The following GPT2 variants were observed in gnomAD, a reference collection of about 807,000 sequenced individuals.
GPT2 encodes glutamic--pyruvic transaminase 2.
A neutral mutation model predicts 56.9 loss-of-function variants in GPT2; 30 were observed. The observed-to-expected ratio is 0.53, with a 90% CI of 0.39 to 0.72. The LOEUF (loss-of-function observed/expected upper bound fraction) is 0.72. GPT2 is among the 30% of genes least tolerant of loss of function. The probability of loss-of-function intolerance (pLI) is 0.00; values close to 1 mark genes in which losing one functional copy is unlikely to be tolerated. For synonymous variants in GPT2, 271 were observed against 283.1 expected (o/e 0.96, Z 0.43); for missense variants, 542 against 703.4 (o/e 0.77, Z 2.60).
rs1269310418 is a variant in GPT2 at position 46,899,376 on chromosome 16, G to C, written c.334-1306G>C. Among the ~76,000 whole-genome samples, 5 of 152,196 alleles carry C rather than the reference G, an allele frequency of 3.3e-5. No homozygotes were observed. In the East Asian group the frequency reaches 9.6e-4, roughly 29 times the overall value. The stretch of plus-strand genomic sequence containing the variant: ...TAAGGTTCATGGGCTAGGGCCATCA[G>C]GGAGGTTGAGCCCCAAGAACACCAG... On this transcript the variant is annotated intron_variant, in intron 3 of 11. Transcript: ENST00000340124.
chr16:46,910,380 CAAAAAAAAAAA>C (rs4039999), intron 6 of GPT2, among the ~76,000 whole-genome samples: 6 of 46,480 alleles, frequency 1.3e-4, no homozygotes, highest in South Asian at 1.7e-3. Flanking sequence ...GACTCTGTCT[CAAAAAAAAAAA>C]AAAAAAAAAA....
intron 4 of GPT2, among the ~76,000 whole-genome samples, chr16:46,903,937 T>G (rs939145250): frequency 6.6e-6 from 1 of 152,062 alleles, no homozygotes; most frequent in African/African-American, 2.4e-5. Flanking sequence ...GAGGAAGAGC[T>G]TAAGGGGAAA....
chr16:46,914,867 G>C (rs924878291), intron 6 of GPT2, among the ~76,000 whole-genome samples: 1 of 152,086 alleles, frequency 6.6e-6, no homozygotes, highest in Non-Finnish European at 1.5e-5. Flanking sequence ...GTGCAGTAAT[G>C]GGGGGGAGGG....
chr16:46,914,869 G>T (rs1219113939), intron 6 of GPT2, among the ~76,000 whole-genome samples: 2 of 152,098 alleles, frequency 1.3e-5, no homozygotes, highest in Admixed American at 6.5e-5. Flanking sequence ...GCAGTAATGG[G>T]GGGGAGGGCA....
At chr16:46,923,135 C>G (rs1330853292) in intron 9 of GPT2, among the ~76,000 whole-genome samples, 2 of 152,188 alleles carry the variant, frequency 1.3e-5, no homozygotes, top group Non-Finnish European at 2.9e-5. Context: ...CCCCTTCTCT[C>G]TGCACTCACC....
intron 3 of GPT2, among the ~76,000 whole-genome samples, chr16:46,898,287 A>C (rs1960723224): frequency 6.6e-6 from 1 of 152,180 alleles, no homozygotes; most frequent in African/African-American, 2.4e-5. Context: ...GGGGACGGCC[A>C]CTGTGAGCCG....
In GPT2 at chr16:46,897,745, G is replaced by A. The variant is rs761702591; in HGVS notation, c.333+8G>A. On this transcript the variant is annotated splice_region_variant and intron_variant, in intron 3 of 11. Coordinates refer to ENST00000340124, the MANE Select transcript of GPT2 (RefSeq NM_133443.4). Reference sequence around the variant, plus strand: ...ATCACCTTCCTCCGGCAGGTGAGCCGCCCCCAGGAGCAGAGGCTGCAGGAG... The same window carrying A: ...ATCACCTTCCTCCGGCAGGTGAGCCACCCCCAGGAGCAGAGGCTGCAGGAG... 27 of 1,613,150 alleles carry A rather than the reference G, an allele frequency of 1.7e-5. No individual in the cohort carries two copies. Among genetic ancestry groups the A allele is most frequent in the Non-Finnish European group, 2.1e-5 (25 of 1,179,366 alleles).
At chr16:46,893,268 C>T (rs1013929834) in intron 2 of GPT2, among the ~76,000 whole-genome samples, 1 of 152,108 alleles carries the variant, frequency 6.6e-6, no homozygotes, top group South Asian at 2.1e-4. Flanking sequence ...ATAGCTGGGA[C>T]TACAGGCGCG....
intron 3 of GPT2, among the ~76,000 whole-genome samples, 164 bp from the exon 4 acceptor site, chr16:46,900,518 C>CGTCT (rs1344774996): frequency 1.3e-5 from 2 of 152,174 alleles, no homozygotes; most frequent in African/African-American, 4.8e-5. Flanking sequence ...GAGAGCCCAG[C>CGTCT]GTCTTCCCCT....
At chr16:46,914,829 G>C (rs1016291446) in intron 6 of GPT2, among the ~76,000 whole-genome samples, 1 of 152,204 alleles carries the variant, frequency 6.6e-6, no homozygotes, top group Non-Finnish European at 1.5e-5. Flanking sequence ...CACAGCCAAT[G>C]CGAGTCTCTT....
At chr16:46,895,293 G>A (rs1021224197) in intron 2 of GPT2, among the ~76,000 whole-genome samples, 2 of 152,140 alleles carry the variant, frequency 1.3e-5, no homozygotes, top group African/African-American at 4.8e-5. Context: ...GGGAGGCTGA[G>A]GTGGGCCAAT....
rs1961041138 is a variant in GPT2, at chr16:46,911,218, G to T, written c.820+1291G>T. On this transcript the variant is annotated intron_variant, in intron 6 of 11. Transcript: ENST00000340124. ...TTTGCATATTTTTCTTTAAAAAAAA[G>T]TCTGCAGTCCTGCCTGTTTTGATCT... Among the ~76,000 whole-genome samples, 3 of 152,132 alleles carry T rather than the reference G, an allele frequency of 2.0e-5. No homozygotes were observed. In the South Asian group the frequency reaches 6.2e-4, roughly 32 times the overall value.
chr16:46,918,797 C>T (rs1432116866), intron 8 of GPT2, 40 bp downstream of exon 8: 2 of 1,608,174 alleles, frequency 1.2e-6, no homozygotes, highest in South Asian at 2.2e-5. Context: ...GCTGGGCCTG[C>T]CAGATCCTCA....
intron 6 of GPT2, among the ~76,000 whole-genome samples, chr16:46,914,586 G>A (rs544730569): frequency 5.9e-5 from 9 of 152,290 alleles, no homozygotes; most frequent in Admixed American, 2.6e-4. Context: ...CTCTGTTAGC[G>A]TTGAGTCCTG....
intron 6 of GPT2, among the ~76,000 whole-genome samples, chr16:46,913,996 T>C (rs1227829601): frequency 6.6e-6 from 1 of 152,208 alleles, no homozygotes; most frequent in African/African-American, 2.4e-5. Flanking sequence ...ATATATGTAA[T>C]ATACACAGGC....
At chr16:46,918,474 C>T in intron 7 of GPT2, 147 bp from the exon 8 acceptor site, 2 of 860,638 alleles carry the variant, frequency 2.3e-6, no homozygotes, top group Non-Finnish European at 3.6e-6. Flanking sequence ...CCTTCAGGCA[C>T]ACTTGGCTCA....
intron 3 of GPT2, among the ~76,000 whole-genome samples, chr16:46,900,285 G>A (rs1046631396): frequency 6.6e-6 from 1 of 152,128 alleles, no homozygotes; most frequent in Non-Finnish European, 1.5e-5. Context: ...AGGGAGCTCA[G>A]GCTGGGAGTA....
chr16:46,895,118 G>C (rs1472023239), intron 2 of GPT2, among the ~76,000 whole-genome samples: 1 of 152,100 alleles, frequency 6.6e-6, no homozygotes, highest in Non-Finnish European at 1.5e-5. Flanking sequence ...GGCATCTTCA[G>C]TCCCCCATGC....
At chr16:46,893,297 A>T (rs1415326729) in intron 2 of GPT2, among the ~76,000 whole-genome samples, 3 of 151,794 alleles carry the variant, frequency 2.0e-5, no homozygotes, top group Admixed American at 6.6e-5. Flanking sequence ...CGCCTGGCAA[A>T]TTTTTTTGTA....
Sources: gnomAD v4.1 joint callset for allele counts (sites outside exome capture counted in the v4.1 genomes callset) on GRCh38, gnomAD v4.1.1 for gene constraint, MANE v1.5 for transcripts, NCBI Gene and HGNC (gene_info 2026-07-23, HGNC 2026-07-21) for gene names.